The following MRO variants were observed in gnomAD, a reference collection of about 807,000 sequenced individuals.
The protein encoded by MRO is maestro.
A neutral mutation model predicts 31.0 loss-of-function variants in MRO; 28 were observed. The ratio of observed to expected loss-of-function variants is 0.90; its 90% CI spans 0.67 to 1.24. MRO has a LOEUF of 1.24. MRO is among the 50% of genes most tolerant of loss of function. The pLI is 0.00. For synonymous variants in MRO, 108 were observed against 108.4 expected, an observed-to-expected ratio of 1.00 and a Z score of 0.02; for missense variants, 332 against 289.2, an observed-to-expected ratio of 1.15 and a Z score of -1.07.
intron 5 of MRO, among the ~76,000 whole-genome samples, chr18:50,804,830 T>C (rs1431889311): frequency 6.6e-6 from 1 of 151,710 alleles, no homozygotes; most frequent in Admixed American, 6.6e-5. Context: ...TCTTGCTCTA[T>C]TGCCAGGCTG....
chr18:50,820,833 C>CAATT (rs59554384), upstream of MRO, among the ~76,000 whole-genome samples: 31,221 of 151,994 alleles, frequency 0.21, 3,198 homozygotes, highest in Non-Finnish European at 0.23. Flanking sequence ...CTAGAAAACC[C>CAATT]AGGAGATAAA....
chr18:50,814,857 C>T (rs1252428923), intron 2 of MRO: 3 of 152,894 alleles, frequency 2.0e-5, no homozygotes, highest in Non-Finnish European at 4.4e-5. Context: ...CTCAGGAGTT[C>T]GAGACCAGCC....
In MRO at chr18:50,801,513, C is replaced by T; in HGVS notation, c.430-9G>A. Reference sequence around the variant, plus strand: ...CTCAGACTGTCGTTCTCCTGCGGTCCCCATCAACAAAACAATAAGAAAGCC... The same window carrying T: ...CTCAGACTGTCGTTCTCCTGCGGTCTCCATCAACAAAACAATAAGAAAGCC... On this transcript the variant is annotated splice_polypyrimidine_tract_variant and intron_variant, in intron 5 of 7. Coordinates refer to ENST00000398439, the MANE Select transcript of MRO (RefSeq NM_031939.6). 6.3e-7 allele frequency: 1 copy of T among 1,574,922 alleles called. No individual in the cohort carries two copies. Among genetic ancestry groups the T allele is most frequent in the Non-Finnish European group, 8.6e-7 (1 of 1,161,550 alleles).
intron 7 of MRO, 41 bp from the exon 8 acceptor site, chr18:50,799,431 A>C (rs1253509984): frequency 6.4e-7 from 1 of 1,566,016 alleles, no homozygotes; most frequent in Admixed American, 1.7e-5. Context: ...GGCAGGATTC[A>C]ACAAACTTCC....
At chr18:50,801,200 A>T in intron 6 of MRO, 149 bp downstream of exon 6, 1 of 662,856 alleles carries the variant, frequency 1.5e-6, no homozygotes, top group Non-Finnish European at 2.5e-6. Flanking sequence ...CACACCAAAG[A>T]GGCACCTTGT....
chr18:50,812,380 T>G (rs1914548054), intron 2 of MRO, among the ~76,000 whole-genome samples: 1 of 152,222 alleles, frequency 6.6e-6, no homozygotes, highest in Non-Finnish European at 1.5e-5. Flanking sequence ...TTTTCTGAGT[T>G]GTAAGAATTC....
chr18:50,806,426 AC>A (rs1913936054), intron 4 of MRO, among the ~76,000 whole-genome samples: 1 of 152,190 alleles, frequency 6.6e-6, no homozygotes. Flanking sequence ...ATGTAAGCGA[AC>A]CCTGAGCTTC....
intron 5 of MRO, among the ~76,000 whole-genome samples, chr18:50,804,380 C>A (rs556566075): frequency 5.3e-5 from 8 of 152,328 alleles, no homozygotes; most frequent in African/African-American, 1.9e-4. Context: ...AATCCTAACA[C>A]TTTGGGAGGC....
rs1456800804 is a variant in MRO at position 50,795,408 on chromosome 18, T to C, written c.*3929A>G. 5 of 152,250 alleles carry C rather than the reference T, an allele frequency of 3.3e-5. No homozygotes were observed. Among genetic ancestry groups the C allele is most frequent in the Admixed American group, 2.0e-4 (3 of 15,286 alleles). 9.4% of individuals were successfully genotyped at this position (152,250 alleles called of 1,614,324 possible). ...ATGCAGAAATGCACAAATATCTGTC[T>C]TCTGTACAACACTAACTGCTAGCTA... On this transcript the variant is annotated 3_prime_UTR_variant, in exon 8 of 8. Coordinates refer to ENST00000398439, the MANE Select transcript of MRO (RefSeq NM_031939.6).
At chr18:50,815,723 CAG>C (rs1914860472) in intron 2 of MRO, 3 of 454,400 alleles carry the variant, frequency 6.6e-6, no homozygotes, top group African/African-American at 2.0e-5. Context: ...GATATGGTAA[CAG>C]AAGGTTCTAA....
chr18:50,816,190 G>T (rs1914905214), intron 2 of MRO: 2 of 152,676 alleles, frequency 1.3e-5, no homozygotes, highest in African/African-American at 4.8e-5. Flanking sequence ...ATGATACATA[G>T]TTAGAAAAGT....
At chr18:50,806,876 A>T (rs1408249723) in intron 3 of MRO, 26 bp from the exon 4 acceptor site, 1 of 1,612,964 alleles carries the variant, frequency 6.2e-7, no homozygotes, top group African/African-American at 1.3e-5. Flanking sequence ...AAAATGTATT[A>T]ATTTGGGAGT....
In MRO at chr18:50,801,476, A is replaced by G; in HGVS notation, c.458T>C (p.Phe153Ser). 1 of 1,608,956 alleles carries G rather than the reference A, an allele frequency of 6.2e-7. No individual in the cohort carries two copies. Among genetic ancestry groups the G allele is most frequent in the Non-Finnish European group, 8.5e-7 (1 of 1,177,870 alleles). ...DENDSLRYSAFVLFGQLAAFA... is the reference protein window; with the variant it reads ...DENDSLRYSASVLFGQLAAFA... ...GGCAGCCAATTGCCCAAACAAAACA[A>G]AGGCCGAGTATCTCAGACTGTCGTT... Residue 153 changes from phenylalanine (F) to serine (S), a missense_variant, in exon 6 of 8, where the codon TTT becomes TCT. By Grantham distance (155) the Phe-to-Ser change is radical. Transcript: ENST00000398439.
chr18:50,812,172 T>A (rs1914533460), intron 2 of MRO, among the ~76,000 whole-genome samples: 1 of 152,222 alleles, frequency 6.6e-6, no homozygotes, highest in South Asian at 2.1e-4. Context: ...CAACATTTAT[T>A]TTCCATTATT....
chr18:50,819,462 T>C, intron 2 of MRO, 119 bp downstream of exon 2: 1 of 1,459,708 alleles, frequency 6.9e-7, no homozygotes, highest in Non-Finnish European at 9.0e-7. Context: ...TCCTACCCCC[T>C]AGAGGTCGAG....
chr18:50,815,937 G>C (rs1914880153), intron 2 of MRO, among the ~76,000 whole-genome samples: 1 of 152,134 alleles, frequency 6.6e-6, no homozygotes, highest in African/African-American at 2.4e-5. Flanking sequence ...GGGAGGCTGA[G>C]GCACGAGAAT....
At chr18:50,800,770 C>T (rs1421629682) in intron 6 of MRO, among the ~76,000 whole-genome samples, 1 of 151,550 alleles carries the variant, frequency 6.6e-6, no homozygotes, top group East Asian at 1.9e-4. Flanking sequence ...CCTGTAATCC[C>T]AGCTACTCAG....
chr18:50,804,243 G>A (rs949543095), intron 5 of MRO, among the ~76,000 whole-genome samples: 2 of 151,804 alleles, frequency 1.3e-5, no homozygotes, highest in African/African-American at 4.8e-5. Context: ...ACTAATCATT[G>A]CTATTGCCAC....
At chr18:50,799,872 C>T (rs1157544604) in intron 7 of MRO, among the ~76,000 whole-genome samples, 164 bp downstream of exon 7, 4 of 152,196 alleles carry the variant, frequency 2.6e-5, no homozygotes, top group Non-Finnish European at 5.9e-5. Context: ...GATGGTGCCA[C>T]TGCACTTGCT....
Sources: allele counts gnomAD v4.1 joint callset (sites outside exome capture counted in the v4.1 genomes callset), GRCh38; gene constraint gnomAD v4.1.1; transcripts MANE v1.5; gene names NCBI Gene and HGNC (gene_info 2026-07-23, HGNC 2026-07-21).